STARD13: variants seen among roughly 807,000 people sequenced by gnomAD.
STARD13 encodes stAR-related lipid transfer protein 13.
STARD13 carries 62 observed loss-of-function variants against 106.4 expected under a neutral mutation model. That is an observed-to-expected ratio of 0.58 (90% CI 0.48 to 0.72). The LOEUF (loss-of-function observed/expected upper bound fraction) is 0.72. Among genes scored for constraint, STARD13 ranks in the 30% least tolerant of loss-of-function variants. The probability of loss-of-function intolerance (pLI) is 0.00; values close to 1 mark genes in which losing one functional copy is unlikely to be tolerated. For missense variants in STARD13, 1,387 were observed against 1,424.0 expected (o/e 0.97, Z 0.42); for synonymous variants, 565 against 553.0 (o/e 1.02, Z -0.31).
chr13:33,173,939 G>A (rs1480083950), intron 1 of STARD13, among the ~76,000 whole-genome samples: 1 of 152,138 alleles, frequency 6.6e-6, no homozygotes, highest in African/African-American at 2.4e-5. Flanking sequence ...TTTCCCAAAC[G>A]CAAGAATGAG....
At chr13:33,536,164 A>G in the STARD13 span, among the ~76,000 whole-genome samples, 1 of 152,254 alleles carries the variant, frequency 6.6e-6, no homozygotes, top group African/African-American at 2.4e-5. Context: ...AAAGGTGGAA[A>G]ATAAAATGGT....
At chr13:33,607,200 A>G in the STARD13 span, among the ~76,000 whole-genome samples, 1 of 152,078 alleles carries the variant, frequency 6.6e-6, no homozygotes, top group South Asian at 2.1e-4. Context: ...AAAGCACTGA[A>G]GTTACACAAT....
At chr13:33,253,624 C>T (rs918457852) in intron 1 of STARD13, among the ~76,000 whole-genome samples, 9 of 152,142 alleles carry the variant, frequency 5.9e-5, no homozygotes, top group African/African-American at 2.2e-4. Context: ...GTGATGAGGG[C>T]AGGGATGCCT....
intron 1 of STARD13, among the ~76,000 whole-genome samples, chr13:33,174,031 T>G (rs977523108): frequency 2.0e-5 from 3 of 152,204 alleles, no homozygotes; most frequent in East Asian, 3.9e-4. Context: ...TTCTGGAAGC[T>G]GGATTCATAG....
chr13:33,298,791 T>C (rs1892600208), intron 1 of STARD13, among the ~76,000 whole-genome samples: 1 of 152,148 alleles, frequency 6.6e-6, no homozygotes, highest in South Asian at 2.1e-4. Flanking sequence ...TTCTTGCATG[T>C]AGCTTTTTGG....
chr13:33,594,608 A>G, the STARD13 span, among the ~76,000 whole-genome samples: 1 of 152,184 alleles, frequency 6.6e-6, no homozygotes, highest in African/African-American at 2.4e-5. Context: ...AATCATCACC[A>G]TCATCCATAT....
the STARD13 span, among the ~76,000 whole-genome samples, chr13:33,525,707 C>A: frequency 6.6e-6 from 1 of 152,032 alleles, no homozygotes; most frequent in South Asian, 2.1e-4. Flanking sequence ...CATATTCCGT[C>A]TGGAGAAAGT....
intron 7 of STARD13, 52 bp downstream of exon 7, chr13:33,126,029 C>T: frequency 6.3e-7 from 1 of 1,599,850 alleles, no homozygotes; most frequent in East Asian, 2.2e-5. Context: ...CCCCTCAATC[C>T]AATCCCATGG....
chr13:33,257,677 C>G (rs1890433911), intron 1 of STARD13, among the ~76,000 whole-genome samples: 1 of 152,148 alleles, frequency 6.6e-6, no homozygotes. Flanking sequence ...TTATTTTACC[C>G]TTACTTTTTA....
the STARD13 span, among the ~76,000 whole-genome samples, chr13:33,415,225 G>A: frequency 6.6e-6 from 1 of 152,132 alleles, no homozygotes; most frequent in African/African-American, 2.4e-5. Context: ...AAAAGTAGCC[G>A]GGCGTGGTGG....
the STARD13 span, among the ~76,000 whole-genome samples, chr13:33,647,655 G>A: frequency 1.1e-4 from 17 of 152,150 alleles, no homozygotes; most frequent in Non-Finnish European, 1.9e-4. Flanking sequence ...GACATATCTA[G>A]GTTGTTGAAT....
At chr13:33,225,003 T>C (rs1334496953) in intron 1 of STARD13, among the ~76,000 whole-genome samples, 1 of 152,186 alleles carries the variant, frequency 6.6e-6, no homozygotes, top group Non-Finnish European at 1.5e-5. Flanking sequence ...TGTGTGTGTG[T>C]GTGTACCTAA....
intron 1 of STARD13, among the ~76,000 whole-genome samples, chr13:33,204,188 T>C (rs1887245929): frequency 6.6e-6 from 1 of 152,250 alleles, no homozygotes; most frequent in South Asian, 2.1e-4. Context: ...TGCTACCTTG[T>C]CACATGTCAG....
At chr13:33,488,295 C>G in the STARD13 span, among the ~76,000 whole-genome samples, 2 of 152,188 alleles carry the variant, frequency 1.3e-5, no homozygotes, top group Non-Finnish European at 2.9e-5. Flanking sequence ...TGCCTCAGCT[C>G]AAGAGTCCCC....
chr13:33,551,602 T>C, the STARD13 span, among the ~76,000 whole-genome samples: 123 of 79,850 alleles, frequency 1.5e-3, 3 homozygotes, highest in Non-Finnish European at 1.9e-3. Flanking sequence ...TTTTTTTTTT[T>C]TTTTTTTTTT....
intron 1 of STARD13, among the ~76,000 whole-genome samples, chr13:33,196,386 CAAT>C (rs917274207): frequency 2.0e-5 from 3 of 152,070 alleles, no homozygotes; most frequent in Non-Finnish European, 1.5e-5. Flanking sequence ...TCTCAAAAAA[CAAT>C]AATAATAATA....
chr13:33,647,477 C>T, the STARD13 span, among the ~76,000 whole-genome samples: 1 of 152,164 alleles, frequency 6.6e-6, no homozygotes, highest in African/African-American at 2.4e-5. Context: ...CAGCCCCTTC[C>T]CCTCCCTGCT....
chr13:33,440,401 G>C, the STARD13 span, among the ~76,000 whole-genome samples: 2 of 151,990 alleles, frequency 1.3e-5, no homozygotes, highest in Non-Finnish European at 2.9e-5. Flanking sequence ...GCTAAAGCCA[G>C]GCCCTGCGTC....
chr13:33,519,072 T>G, the STARD13 span, among the ~76,000 whole-genome samples: 1 of 152,126 alleles, frequency 6.6e-6, no homozygotes, highest in East Asian at 1.9e-4. Flanking sequence ...CCCCTCAATA[T>G]CTGATCAGAT....
Sources: allele counts gnomAD v4.1 joint callset (sites outside exome capture counted in the v4.1 genomes callset), GRCh38; gene constraint gnomAD v4.1.1; transcripts MANE v1.5; gene names NCBI Gene and HGNC (gene_info 2026-07-23, HGNC 2026-07-21).